Variants in UBN2 observed in about 807,000 individuals in gnomAD.
UBN2 encodes the protein ubinuclein-2.
In UBN2, 35 loss-of-function variants were observed where a neutral mutation model predicts 120.2. The observed-to-expected ratio is 0.29, with a 90% CI of 0.22 to 0.39. The LOEUF is 0.39. Among genes scored for constraint, UBN2 ranks in the 10% least tolerant of loss-of-function variants. UBN2 has a pLI of 1.00. For synonymous variants in UBN2, 661 were observed against 648.7 expected, an observed-to-expected ratio of 1.02 and a Z score of -0.29; for missense variants, 1,693 against 1,663.2, an observed-to-expected ratio of 1.02 and a Z score of -0.31.
chr7:139,324,165 C>A, the UBN2 span, among the ~76,000 whole-genome samples: 3 of 152,102 alleles, frequency 2.0e-5, no homozygotes, highest in African/African-American at 7.2e-5. Context: ...CTTGCTGAAC[C>A]CTGACTAATA....
rs944583248 is a variant in UBN2 at position 139,231,289 on chromosome 7, A to T, written c.-196A>T. On this transcript the variant is annotated 5_prime_UTR_variant, in exon 1 of 18. An upstream start codon of the reference 5' UTR is lost. Transcript: ENST00000473989. Reference sequence around the variant, plus strand: ...CATGGCGGCCGCGGCGACCCTGGCGATGGCGGTGAAGCCCATCAGAACGTA... The same window carrying T: ...CATGGCGGCCGCGGCGACCCTGGCGTTGGCGGTGAAGCCCATCAGAACGTA... Among the ~76,000 whole-genome samples the T allele has an allele frequency of 1.3e-5, 2 of 152,200 alleles. No homozygotes were observed. Among genetic ancestry groups the T allele is most frequent in the Admixed American group, 1.3e-4 (2 of 15,280 alleles).
At chr7:139,313,825 C>T in the UBN2 span, among the ~76,000 whole-genome samples, 3 of 151,408 alleles carry the variant, frequency 2.0e-5, no homozygotes, top group African/African-American at 7.3e-5. Context: ...CCCATAATAC[C>T]TATATATGAT....
At chr7:139,232,079 G>A (rs1796036472) in intron 1 of UBN2, 127 bp downstream of exon 1, 1 of 844,890 alleles carries the variant, frequency 1.2e-6, no homozygotes, top group Non-Finnish European at 1.7e-6. Context: ...GGGGTGCGGG[G>A]GGCCGGGGCC....
At chr7:139,239,427 A>G (rs1796253417) in intron 2 of UBN2, among the ~76,000 whole-genome samples, 1 of 152,114 alleles carries the variant, frequency 6.6e-6, no homozygotes, top group African/African-American at 2.4e-5. Flanking sequence ...ACACAATTTC[A>G]AGTTTATCTC....
the UBN2 span, among the ~76,000 whole-genome samples, chr7:139,319,842 C>A: frequency 6.6e-6 from 1 of 151,748 alleles, no homozygotes; most frequent in African/African-American, 2.4e-5. Context: ...TTTGGGAGGC[C>A]GAGGTGGGCG....
Position 139,302,407 on chromosome 7 carries a change from C to T in UBN2, c.*4571C>T, listed in dbSNP as rs921103197. ...TGGATTAGAAAAGTATCTTTTCGGC[C>T]GGGTGCGGTGGCTCACGCCTGTAAT... On this transcript the variant is annotated 3_prime_UTR_variant, in exon 18 of 18. Transcript: ENST00000473989. 4 of 152,186 alleles carry T rather than the reference C, an allele frequency of 2.6e-5. No homozygotes were observed. Among genetic ancestry groups the T allele is most frequent in the Admixed American group, 1.3e-4 (2 of 15,276 alleles). The allele number at this position is 152,186 out of a possible 1,614,324, so 9.4% of individuals were successfully genotyped here.
In UBN2 at chr7:139,283,356, T is replaced by G. The variant is rs1189662791; in HGVS notation, c.2451T>G (p.Thr817=). 6.2e-7 allele frequency: 1 copy of G among 1,613,824 alleles called. No homozygotes were observed. Among genetic ancestry groups the G allele is most frequent in the African/African-American group, 1.3e-5 (1 of 74,808 alleles). Residue 817 remains threonine (T), a synonymous_variant, in exon 15 of 18, where the codon ACT becomes ACG. Coordinates refer to ENST00000473989, the MANE Select transcript of UBN2 (RefSeq NM_173569.4). ...TCATGAGTAAGCTGCCACTAGCTAC[T>G]CCCAAAAAACTAGATTCTACTCAGA... ...ASIMSKLPLA[T]PKKLDSTQTT...
intron 3 of UBN2, among the ~76,000 whole-genome samples, chr7:139,254,675 GT>G (rs1385019981): frequency 6.6e-6 from 1 of 152,206 alleles, no homozygotes. Context: ...CAGTAGAAGT[GT>G]TATGTGTACA....
chr7:139,232,771 A>G (rs533447955), intron 1 of UBN2, among the ~76,000 whole-genome samples: 27 of 152,336 alleles, frequency 1.8e-4, no homozygotes, highest in Middle Eastern at 3.4e-3. Context: ...AGGATGATGA[A>G]AAAAATGTCA....
intron 17 of UBN2, among the ~76,000 whole-genome samples, chr7:139,296,484 G>T (rs1009811369): frequency 6.6e-6 from 1 of 152,128 alleles, no homozygotes; most frequent in Non-Finnish European, 1.5e-5. Context: ...AGAGTAAAAG[G>T]TTTCCTTCTC....
At chr7:139,237,920 G>A (rs11762145) in intron 2 of UBN2, among the ~76,000 whole-genome samples, 17,006 of 152,156 alleles carry the variant, frequency 0.11, 1,203 homozygotes, top group Middle Eastern at 0.22. Context: ...GAAAGTGTCC[G>A]GTTTATGCTA....
rs1798385969 is a variant in UBN2 at position 139,307,732 on chromosome 7, C to A, written c.*9896C>A. On this transcript the variant is annotated 3_prime_UTR_variant, in exon 18 of 18. Coordinates refer to ENST00000473989, the MANE Select transcript of UBN2 (RefSeq NM_173569.4). ...TGACGCAGAAGTCACGTTCTTCTTC[C>A]CACTGCCATCTTGCCTTTGCATTCT... is the stretch of plus-strand genomic sequence containing the variant. 1 of 152,140 alleles carries A rather than the reference C, an allele frequency of 6.6e-6. No individual in the cohort carries two copies. 9.4% of individuals were successfully genotyped at this position (152,140 alleles called of 1,614,324 possible). A position where few individuals can be genotyped will look rare whatever the true frequency, so the allele number is the denominator to read the frequency against.
At position 139,245,098 on chromosome 7, in the gene UBN2, T is replaced by A. The variant is rs1023364051; in HGVS notation, c.562-6858T>A. On this transcript the variant is annotated intron_variant, in intron 2 of 17. Transcript: ENST00000473989. ...ACAGGCACGCATCACCATGCCCAGC[T>A]TTTTTTTTTTTTTTTTTTTTTTTGA... is the stretch of plus-strand genomic sequence containing the variant. 6.0e-5 allele frequency among the ~76,000 whole-genome samples: 6 copies of A among 99,578 alleles called. No individual in the cohort carries two copies. The East Asian group carries it at 1.3e-3, about 22-fold the overall frequency. 65.3% of individuals were successfully genotyped at this position (99,578 alleles called of 152,430 possible).
At position 139,284,157 on chromosome 7, in the gene UBN2, G is replaced by A. The variant is rs779239585; in HGVS notation, c.3252G>A (p.Lys1084=). The A allele has an allele frequency of 3.1e-6, 5 of 1,613,948 alleles. No homozygotes were observed. Among genetic ancestry groups the A allele is most frequent in the East Asian group, 4.5e-5 (2 of 44,888 alleles). Residue 1084 remains lysine (K), a synonymous_variant, in exon 15 of 18, where the codon AAG becomes AAA. Transcript: ENST00000473989. ...TTTCTAAATCCAACCCAACTCCCAA[G>A]CCTACTGTATCCCCAAGTAGTTCCA... ...KLISKSNPTP[K]PTVSPSSSSP...
Position 139,305,724 on chromosome 7 carries a change from G to A in UBN2, c.*7888G>A, listed in dbSNP as rs1438485092. On this transcript the variant is annotated 3_prime_UTR_variant, in exon 18 of 18. Transcript: ENST00000473989. ...CTGTGTCTAGGACTTACAGTCATCA[G>A]TGGTCATCACTGGGACTAGAGGTGT... is the stretch of plus-strand genomic sequence containing the variant. 6.6e-6 allele frequency: 1 copy of A among 152,174 alleles called. No individual in the cohort carries two copies. Among genetic ancestry groups the A allele is most frequent in the Non-Finnish European group, 1.5e-5 (1 of 68,020 alleles). The allele number at this position is 152,174 out of a possible 1,614,324, so 9.4% of individuals were successfully genotyped here.
rs933574057 is a variant in UBN2, at chr7:139,298,962, C to T, written c.*1126C>T. ...TTAAAGGGAGGAATCACATTAGGAT[C>T]ACAATCACGACATATTTTTACTCCC... On this transcript the variant is annotated 3_prime_UTR_variant, in exon 18 of 18. Transcript: ENST00000473989. 1 of 152,072 alleles carries T rather than the reference C, an allele frequency of 6.6e-6. No individual in the cohort carries two copies. Among genetic ancestry groups the T allele is most frequent in the Non-Finnish European group, 1.5e-5 (1 of 67,990 alleles). 9.4% of individuals were successfully genotyped at this position (152,072 alleles called of 1,614,324 possible).
intron 2 of UBN2, among the ~76,000 whole-genome samples, chr7:139,240,508 A>G (rs1796292713): frequency 6.6e-6 from 1 of 150,576 alleles, no homozygotes; most frequent in Non-Finnish European, 1.5e-5. Flanking sequence ...TCAGGCCAAA[A>G]GTGACCTGAG....
At chr7:139,261,117 A>G in intron 5 of UBN2, 135 bp from the exon 6 acceptor site, 4 of 1,043,030 alleles carry the variant, frequency 3.8e-6, no homozygotes, top group East Asian at 5.2e-5. Flanking sequence ...TTGTAATAGT[A>G]TAAGTTAATA....
intron 15 of UBN2, among the ~76,000 whole-genome samples, chr7:139,285,519 T>C (rs1797757372): frequency 6.6e-6 from 1 of 152,222 alleles, no homozygotes; most frequent in South Asian, 2.1e-4. Flanking sequence ...TGGAGAAGTC[T>C]GAGGCCATTC....
Sources: allele counts gnomAD v4.1 joint callset (sites outside exome capture counted in the v4.1 genomes callset), GRCh38; gene constraint gnomAD v4.1.1; transcripts MANE v1.5; gene names NCBI Gene and HGNC (gene_info 2026-07-23, HGNC 2026-07-21).